The following TPR variants were observed in gnomAD, a reference collection of about 807,000 sequenced individuals.
TPR encodes translocated promoter region, nuclear basket protein.
Under a neutral mutation model 316.1 loss-of-function variants are expected in TPR, and 51 were observed. The ratio of observed to expected loss-of-function variants is 0.16; its 90% CI spans 0.13 to 0.20. TPR has a LOEUF of 0.20. Ranked by LOEUF, TPR falls within the 10% of genes least tolerant of loss-of-function variation. TPR has a pLI of 1.00. For missense variants in TPR, 2,272 were observed against 2,754.8 expected (o/e 0.82, Z 3.92); for synonymous variants, 981 against 914.7 (o/e 1.07, Z -1.31).
Position 186,355,459 on chromosome 1 carries a change from G to C in TPR, c.2122C>G (p.Arg708Gly), listed in dbSNP as rs1658999648. Reference sequence around the variant, plus strand: ...GTAGAAATTTTGGTATTTTGTGATCGCAAATCTGTAACTTGTTCTTGAAGT... The same window carrying C: ...GTAGAAATTTTGGTATTTTGTGATCCCAAATCTGTAACTTGTTCTTGAAGT... ...EKLQEQVTDL[R>G]SQNTKISTQL... The change falls in exon 17 of 51, where the codon CGA (arginine) becomes GGA (glycine). Residue 708 changes from arginine to glycine, a missense_variant. Arg to Gly is a moderately radical substitution (Grantham distance 125, BLOSUM62 -2). Transcript: ENST00000367478. 2 of 1,611,876 alleles carry C rather than the reference G, an allele frequency of 1.2e-6. No individual in the cohort carries two copies. Among genetic ancestry groups the C allele is most frequent in the Non-Finnish European group, 1.7e-6 (2 of 1,179,650 alleles).
At position 186,334,959 on chromosome 1, in the gene TPR, T is replaced by A. The variant is rs888403590; in HGVS notation, c.4973+109A>T. On this transcript the variant is annotated intron_variant, in intron 35 of 50. Coordinates refer to ENST00000367478, the MANE Select transcript of TPR (RefSeq NM_003292.3). The stretch of plus-strand genomic sequence containing the variant: ...GCAGAGAAAACAACTCTTTAGTGTA[T>A]GTTTTTACAATAGAATACACAGATT... The A allele has an allele frequency of 6.2e-6, 7 of 1,136,816 alleles. No homozygotes were observed. The African/African-American group carries it at 1.1e-4, about 18-fold the overall frequency. The allele number at this position is 1,136,816 out of a possible 1,614,324, so 70.4% of individuals were successfully genotyped here.
intron 1 of TPR, among the ~76,000 whole-genome samples, chr1:186,373,767 A>T (rs1659601707): frequency 2.0e-5 from 3 of 152,262 alleles, no homozygotes; most frequent in Non-Finnish European, 2.9e-5. Flanking sequence ...AGACATCAGT[A>T]AACTGCTTAA....
At chr1:186,352,929 TATAAAAAATTTATCA>T (rs1358515586) in intron 18 of TPR, among the ~76,000 whole-genome samples, 34 of 152,284 alleles carry the variant, frequency 2.2e-4, no homozygotes, top group African/African-American at 7.7e-4. Flanking sequence ...AAGAAAACTA[TATAAAAAATTTATCA>T]TCACAAAACT....
chr1:186,333,008 G>C, intron 37 of TPR, 114 bp downstream of exon 37: 1 of 1,249,684 alleles, frequency 8.0e-7, no homozygotes, highest in South Asian at 1.6e-5. Flanking sequence ...AATTGCGTAG[G>C]TCTATTCTAA....
intron 42 of TPR, chr1:186,325,477 T>A (rs1235478820): frequency 8.7e-6 from 2 of 229,330 alleles, no homozygotes; most frequent in Admixed American, 5.2e-5. Flanking sequence ...GTCCCTAATT[T>A]AATTTTTCCT....
rs1392850340 is a variant in TPR, at chr1:186,323,692, T to C, written c.6291A>G (p.Pro2097=). The change falls in exon 43 of 51, where the codon CCA becomes CCG. Residue 2097 remains proline, a synonymous_variant. Coordinates refer to ENST00000367478, the MANE Select transcript of TPR (RefSeq NM_003292.3). Reference sequence around the variant, plus strand: ...TGACCAGTACTTTTAATACCTGAACTGGTGGTCCCAACTCCTGAGGTGGGG... The same window carrying C: ...TGACCAGTACTTTTAATACCTGAACCGGTGGTCCCAACTCCTGAGGTGGGG... The part of the protein sequence containing the change: ...IHAPPQELGP[P]VQRIQMTRRQ... 6.7e-7 allele frequency: 1 copy of C among 1,493,878 alleles called. No homozygotes were observed. Among genetic ancestry groups the C allele is most frequent in the South Asian group, 1.4e-5 (1 of 70,894 alleles). 92.5% of individuals were successfully genotyped at this position (1,493,878 alleles called of 1,614,324 possible). A position where few individuals can be genotyped will look rare whatever the true frequency, so the allele number is the denominator to read the frequency against.
rs1269891211 is a variant in TPR, at chr1:186,317,503, G to A, written c.6919C>T (p.Pro2307Ser). 3 of 1,614,144 alleles carry A rather than the reference G, an allele frequency of 1.9e-6. No individual in the cohort carries two copies. The highest frequency in any genetic ancestry group is 2.5e-6 in the Non-Finnish European group (3 of 1,180,002). ...TCACCTACAGATGAGCTAGAAGGAG[G>A]ATCCTGGCTGGTGGAGGGGAGATCT... ...ESDLPSTSQD[P>S]PSSSSVDTSS... Residue 2307 changes from proline (P) to serine (S), a missense_variant, in exon 49 of 51, where the codon CCT becomes TCT. By Grantham distance (74) the Pro-to-Ser change is moderately conservative. Coordinates refer to ENST00000367478, the MANE Select transcript of TPR (RefSeq NM_003292.3).
At chr1:186,325,655 T>C in intron 42 of TPR, 109 bp downstream of exon 42, 1 of 863,762 alleles carries the variant, frequency 1.2e-6, no homozygotes. Flanking sequence ...CAGGGGCCAA[T>C]CTCTTTTTAC....
rs1659143571 is a variant in TPR at position 186,360,268 on chromosome 1, C to T, written c.1191+5G>A. On this transcript the variant is annotated splice_donor_5th_base_variant and intron_variant, in intron 11 of 50. Coordinates refer to ENST00000367478, the MANE Select transcript of TPR (RefSeq NM_003292.3). Reference sequence around the variant, plus strand: ...GAATTTAACAACATTTAATACCATTCTTACCTCAGTTAGTTTCATCCCAGG... The same window carrying T: ...GAATTTAACAACATTTAATACCATTTTTACCTCAGTTAGTTTCATCCCAGG... 2.5e-6 allele frequency: 4 copies of T among 1,612,492 alleles called. No homozygotes were observed. The highest frequency in any genetic ancestry group is 3.4e-6 in the Non-Finnish European group (4 of 1,179,072).
intron 5 of TPR, 96 bp downstream of exon 5, chr1:186,363,246 G>T: frequency 9.0e-7 from 1 of 1,115,134 alleles, no homozygotes; most frequent in Non-Finnish European, 1.3e-6. Context: ...ACAAAATGCA[G>T]CTTTTAATTA....
Position 186,323,888 on chromosome 1 carries a change from T to C in TPR, c.6113-18A>G. On this transcript the variant is annotated intron_variant, in intron 42 of 50. Coordinates refer to ENST00000367478, the MANE Select transcript of TPR (RefSeq NM_003292.3). Reference sequence around the variant, plus strand: ...TCCTTCACCTGTAGGAAAAGAGAAATTTACTTTTGAACTGCTAAATTTACC... The same window carrying C: ...TCCTTCACCTGTAGGAAAAGAGAAACTTACTTTTGAACTGCTAAATTTACC... 1.3e-6 allele frequency: 2 copies of C among 1,519,248 alleles called. No individual in the cohort carries two copies. The highest frequency in any genetic ancestry group is 2.7e-5 in the South Asian group (2 of 73,510). The allele number at this position is 1,519,248 out of a possible 1,614,324, so 94.1% of individuals were successfully genotyped here.
rs770145703 is a variant in TPR at position 186,370,962 on chromosome 1, T to C, written c.330+8A>G. 1.9e-6 allele frequency: 3 copies of C among 1,608,726 alleles called. No individual in the cohort carries two copies. Among genetic ancestry groups the C allele is most frequent in the South Asian group, 2.2e-5 (2 of 90,896 alleles). ...TACAATGAGCTTATTCTAAGAAATA[T>C]CTCTTACCTGAATGGCAATATTGCG... On this transcript the variant is annotated splice_region_variant and intron_variant, in intron 3 of 50. Transcript: ENST00000367478.
At chr1:186,361,463 A>G (rs972048983) in intron 9 of TPR, among the ~76,000 whole-genome samples, 159 bp downstream of exon 9, 3 of 151,974 alleles carry the variant, frequency 2.0e-5, no homozygotes, top group Admixed American at 6.6e-5. Flanking sequence ...TGCTTAAGAT[A>G]TAATTCTGAA....
chr1:186,335,450 G>A lies in TPR; in HGVS notation c.4799C>T (p.Thr1600Ile). 6.2e-7 allele frequency: 1 copy of A among 1,613,748 alleles called. No homozygotes were observed. The highest frequency in any genetic ancestry group is 8.5e-7 in the Non-Finnish European group (1 of 1,179,758). The change falls in exon 34 of 51, where the codon ACT becomes ATT. Residue 1600 changes from threonine to isoleucine, a missense_variant. Transcript: ENST00000367478. ...QQKDELDVRI[T>I]ALKSQYEGRI... ...ACCTTCATATTGGGACTTTAGCGCAGTAATGCGAACATCCAATTCATCTTT... is the reference window on the plus strand; with the variant it reads ...ACCTTCATATTGGGACTTTAGCGCAATAATGCGAACATCCAATTCATCTTT...
chr1:186,349,464 T>C (rs1658785446), intron 21 of TPR, among the ~76,000 whole-genome samples: 1 of 151,410 alleles, frequency 6.6e-6, no homozygotes, highest in East Asian at 1.9e-4. Flanking sequence ...CCATCCTGGC[T>C]AACATGGAGA....
intron 45 of TPR, among the ~76,000 whole-genome samples, chr1:186,322,026 A>C (rs1376437198): frequency 6.6e-6 from 1 of 152,240 alleles, no homozygotes; most frequent in Non-Finnish European, 1.5e-5. Flanking sequence ...TACCGCTAGT[A>C]AACAGTAGAG....
chr1:186,356,505 A>C, intron 14 of TPR, 56 bp from the exon 15 acceptor site: 1 of 1,488,976 alleles, frequency 6.7e-7, no homozygotes, highest in Non-Finnish European at 9.1e-7. Flanking sequence ...ACTGATTGTA[A>C]TTTCTACTGT....
At chr1:186,343,131 C>A in intron 27 of TPR, 195 bp downstream of exon 27, 2 of 533,700 alleles carry the variant, frequency 3.7e-6, no homozygotes, top group Non-Finnish European at 2.9e-6. Context: ...GAATCTGAAA[C>A]CAGGCAGTTT....
Position 186,374,949 on chromosome 1 carries a change from T to C in TPR, c.80A>G (p.Lys27Arg). Residue 27 changes from lysine (K) to arginine (R), a missense_variant, in exon 1 of 51, where the codon AAG becomes AGG. By Grantham distance (26) the Lys-to-Arg change is conservative (BLOSUM62 2). Transcript: ENST00000367478. ...CTCGGATTGCTGATCAGCAAGGAAC[T>C]TTTCAAGTTTGTTCTGGACAGACTT... Reference protein sequence around the residue: ...LPKSVQNKLEKFLADQQSEID... With the variant: ...LPKSVQNKLERFLADQQSEID... The C allele has an allele frequency of 6.2e-7, 1 of 1,612,126 alleles. No individual in the cohort carries two copies. The highest frequency in any genetic ancestry group is 8.5e-7 in the Non-Finnish European group (1 of 1,178,356).
Sources: allele counts gnomAD v4.1 joint callset (sites outside exome capture counted in the v4.1 genomes callset), GRCh38; gene constraint gnomAD v4.1.1; transcripts MANE v1.5; gene names NCBI Gene and HGNC (gene_info 2026-07-23, HGNC 2026-07-21).